MCUB: variants seen among roughly 807,000 people sequenced by gnomAD.
MCUB encodes calcium uniporter regulatory subunit MCUb, mitochondrial.
A neutral mutation model predicts 41.4 loss-of-function variants in MCUB; 46 were observed. The observed-to-expected ratio is 1.11, with a 90% CI of 0.88 to 1.42. The LOEUF (loss-of-function observed/expected upper bound fraction) is 1.42, where lower values mean the gene tolerates loss of function less well. Among genes scored for constraint, MCUB ranks in the 40% most tolerant of loss-of-function variants. MCUB has a pLI of 0.00. For missense variants in MCUB, 403 were observed against 404.9 expected, an observed-to-expected ratio of 1.00 and a Z score of 0.04; for synonymous variants, 148 against 148.2, an observed-to-expected ratio of 1.00 and a Z score of 0.01.
At chr4:109,571,521 C>T (rs1440314263) in intron 1 of MCUB, among the ~76,000 whole-genome samples, 1 of 152,172 alleles carries the variant, frequency 6.6e-6, no homozygotes, top group Non-Finnish European at 1.5e-5. Flanking sequence ...CCATATTGGT[C>T]GCCCTGGTCT....
intron 4 of MCUB, among the ~76,000 whole-genome samples, chr4:109,677,578 G>A (rs1729600603): frequency 6.6e-6 from 1 of 152,164 alleles, no homozygotes; most frequent in African/African-American, 2.4e-5. Flanking sequence ...TTTAGGTCAT[G>A]AGGACCAACG....
intron 1 of MCUB, among the ~76,000 whole-genome samples, chr4:109,597,578 G>C (rs1727599748): frequency 6.8e-6 from 1 of 146,160 alleles, no homozygotes; most frequent in Non-Finnish European, 1.5e-5. Flanking sequence ...TCCCAGTAGG[G>C]GCGGCCGGGC....
chr4:109,661,822 C>T (rs932548779), intron 3 of MCUB, among the ~76,000 whole-genome samples: 4 of 152,112 alleles, frequency 2.6e-5, no homozygotes, highest in Non-Finnish European at 4.4e-5. Flanking sequence ...CACCTGAGGT[C>T]AGGGGTTTGA....
At position 109,560,423 on chromosome 4, in the gene MCUB, C is replaced by G; in HGVS notation, c.86C>G (p.Pro29Arg). Residue 29 changes from proline to arginine, a missense_variant, in exon 1 of 8, where the codon CCG becomes CGG. By Grantham distance (103) the Pro-to-Arg change is moderately radical (BLOSUM62 -2). Coordinates refer to ENST00000394650, the MANE Select transcript of MCUB (RefSeq NM_017918.5). ...CGCCCAGCGCGCCCGTGGCCGCTGC[C>G]GCCTCCGCCCCAGGTAAGAGCGGGT... Reference protein sequence around the residue: ...TWRPARPWPLPPPPQVLRVKL... With the variant: ...TWRPARPWPLRPPPQVLRVKL... 7.7e-7 allele frequency: 1 copy of G among 1,293,944 alleles called. No individual in the cohort carries two copies. Among genetic ancestry groups the G allele is most frequent in the Non-Finnish European group, 9.8e-7 (1 of 1,021,720 alleles). The allele number at this position is 1,293,944 out of a possible 1,614,324, so 80.2% of individuals were successfully genotyped here.
chr4:109,603,208 G>C (rs1044870396), intron 1 of MCUB, among the ~76,000 whole-genome samples: 1 of 152,152 alleles, frequency 6.6e-6, no homozygotes, highest in African/African-American at 2.4e-5. Flanking sequence ...TGATTCTCCT[G>C]CCTCAGCCTG....
At chr4:109,588,631 C>CT (rs1165069923) in intron 1 of MCUB, among the ~76,000 whole-genome samples, 45 of 152,166 alleles carry the variant, frequency 3.0e-4, no homozygotes, top group Non-Finnish European at 4.4e-5. Context: ...TATTTTATCT[C>CT]TTATGAAGGG....
chr4:109,636,388 G>A (rs1158797559), intron 1 of MCUB, among the ~76,000 whole-genome samples: 6 of 152,160 alleles, frequency 3.9e-5, no homozygotes, highest in Non-Finnish European at 8.8e-5. Context: ...GATTGCCTAA[G>A]GACACTGCTT....
intron 1 of MCUB, among the ~76,000 whole-genome samples, chr4:109,654,812 C>A (rs1432250004): frequency 6.6e-6 from 1 of 152,080 alleles, no homozygotes; most frequent in Non-Finnish European, 1.5e-5. Context: ...CTCTTTCTAC[C>A]CACAGAACAC....
chr4:109,659,314 G>T (rs1729174336), intron 2 of MCUB, among the ~76,000 whole-genome samples: 1 of 151,976 alleles, frequency 6.6e-6, no homozygotes, highest in Admixed American at 6.6e-5. Context: ...AGCAATAGTC[G>T]GGTGGGTGTG....
intron 1 of MCUB, among the ~76,000 whole-genome samples, 196 bp downstream of exon 1, chr4:109,560,632 T>C (rs1726601933): frequency 2.0e-5 from 3 of 151,802 alleles, no homozygotes; most frequent in Admixed American, 2.0e-4. Flanking sequence ...TGGGCTGAGG[T>C]CAAGACTCCG....
At chr4:109,667,217 C>T (rs1165339712) in intron 4 of MCUB, among the ~76,000 whole-genome samples, 1 of 152,002 alleles carries the variant, frequency 6.6e-6, no homozygotes, top group East Asian at 1.9e-4. Context: ...CCATCTGGAC[C>T]TGGTGCTTTC....
chr4:109,665,158 A>G (rs997568732), intron 4 of MCUB, among the ~76,000 whole-genome samples: 4 of 152,194 alleles, frequency 2.6e-5, no homozygotes, highest in South Asian at 4.1e-4. Context: ...TTGGTGTTGT[A>G]TATTCTATAG....
intron 1 of MCUB, among the ~76,000 whole-genome samples, chr4:109,653,607 A>C (rs977715806): frequency 2.0e-5 from 3 of 151,240 alleles, no homozygotes; most frequent in Non-Finnish European, 4.4e-5. Flanking sequence ...ATGGAGTTTC[A>C]CTCTTGTTGC....
rs2158205 is a variant in MCUB at position 109,671,748 on chromosome 4, G to A, written c.451+7354G>A. ...GATGCTTGTTTTGTCTCTTCAAACT[G>A]TGGTTGTTGTTGTTTTTTTCTTTGC... On this transcript the variant is annotated intron_variant, in intron 4 of 7. Coordinates refer to ENST00000394650, the MANE Select transcript of MCUB (RefSeq NM_017918.5). Among the ~76,000 whole-genome samples the A allele has an allele frequency of 5.1e-3, 774 of 152,218 alleles. 3 individuals are homozygous for A. Among genetic ancestry groups the A allele is most frequent in the African/African-American group, 0.018 (734 of 41,522 alleles).
chr4:109,643,723 A>G (rs1370356570), intron 1 of MCUB, among the ~76,000 whole-genome samples: 12 of 150,482 alleles, frequency 8.0e-5, no homozygotes, highest in Admixed American at 6.6e-4. Context: ...AGGGTGGTGT[A>G]GAACTCCTGA....
At chr4:109,586,159 C>CT (rs1387891025) in intron 1 of MCUB, among the ~76,000 whole-genome samples, 1 of 152,154 alleles carries the variant, frequency 6.6e-6, no homozygotes, top group Non-Finnish European at 1.5e-5. Flanking sequence ...TCTTTTTACA[C>CT]TTTTTTCTCT....
At chr4:109,588,569 A>G (rs990019083) in intron 1 of MCUB, among the ~76,000 whole-genome samples, 3 of 152,174 alleles carry the variant, frequency 2.0e-5, no homozygotes, top group Admixed American at 2.0e-4. Context: ...TTTGAAAAAA[A>G]ATTTTGTTTT....
At chr4:109,619,696 ACT>A (rs1347436071) in intron 1 of MCUB, among the ~76,000 whole-genome samples, 1 of 152,050 alleles carries the variant, frequency 6.6e-6, no homozygotes, top group Non-Finnish European at 1.5e-5. Flanking sequence ...ACTGGGTGGG[ACT>A]CTGTCTCGAG....
intron 3 of MCUB, among the ~76,000 whole-genome samples, 176 bp downstream of exon 3, chr4:109,660,541 C>T (rs113021453): frequency 2.0e-5 from 3 of 152,242 alleles, no homozygotes; most frequent in African/African-American, 7.2e-5. Context: ...TTTGGCCTGG[C>T]GTGGTGGCTC....
Sources: gnomAD v4.1 joint callset for allele counts (sites outside exome capture counted in the v4.1 genomes callset) on GRCh38, gnomAD v4.1.1 for gene constraint, MANE v1.5 for transcripts, NCBI Gene and HGNC (gene_info 2026-07-23, HGNC 2026-07-21) for gene names.